Variants in USP32 observed in about 807,000 individuals in gnomAD.
The protein encoded by USP32 is ubiquitin carboxyl-terminal hydrolase 32.
A neutral mutation model predicts 204.8 loss-of-function variants in USP32; 59 were observed. The observed-to-expected ratio is 0.29, with a 90% CI of 0.23 to 0.36. The LOEUF (loss-of-function observed/expected upper bound fraction) is 0.36. Ranked by LOEUF, USP32 falls within the 10% of genes least tolerant of loss-of-function variation. The pLI, the probability that USP32 is intolerant of heterozygous loss-of-function variation, is 1.00. For missense variants in USP32, 1,160 were observed against 1,946.4 expected, an observed-to-expected ratio of 0.60 and a Z score of 7.60; for synonymous variants, 517 against 678.4, an observed-to-expected ratio of 0.76 and a Z score of 3.70.
At chr17:60,269,100 T>C (rs1314239951) in intron 7 of USP32, among the ~76,000 whole-genome samples, 2 of 152,224 alleles carry the variant, frequency 1.3e-5, no homozygotes, top group African/African-American at 4.8e-5. Context: ...AAATGAGTTA[T>C]GCCTCAACTT....
At chr17:60,268,031 G>A (rs1426962681) in intron 7 of USP32, among the ~76,000 whole-genome samples, 1 of 151,656 alleles carries the variant, frequency 6.6e-6, no homozygotes, top group Non-Finnish European at 1.5e-5. Flanking sequence ...GGCTGATCTT[G>A]AACTCCTGAC....
chr17:60,193,435 C>T (rs2084435951), intron 27 of USP32, among the ~76,000 whole-genome samples: 1 of 152,190 alleles, frequency 6.6e-6, no homozygotes, highest in African/African-American at 2.4e-5. Flanking sequence ...TTTGGAGTAA[C>T]TGCTTTTAAC....
chr17:60,179,813 G>A (rs1470118770), intron 33 of USP32, among the ~76,000 whole-genome samples: 7 of 152,028 alleles, frequency 4.6e-5, no homozygotes, highest in Non-Finnish European at 7.4e-5. Context: ...TGGGACTACA[G>A]GTGCGTGCCA....
In USP32 at chr17:60,209,421, A is replaced by T; in HGVS notation, c.2547T>A (p.Tyr849Ter). The part of the protein sequence containing the change: ...EDLNRVHEKP[Y>*]VELKDSDGRP... ...GCCCATCACTGTCCTTCAGTTCCACATATGGCTTTTCATGGACTCGATTAA... is the reference window on the plus strand; with the variant it reads ...GCCCATCACTGTCCTTCAGTTCCACTTATGGCTTTTCATGGACTCGATTAA... The change falls in exon 22 of 34, where the codon TAT becomes TAA. Residue 849 changes from tyrosine (Y) to a stop codon, truncating the protein, a stop_gained. Transcript: ENST00000300896. LOFTEE classifies it high-confidence loss of function. 1 of 1,573,800 alleles carries T rather than the reference A, an allele frequency of 6.4e-7. No individual in the cohort carries two copies. Among genetic ancestry groups the T allele is most frequent in the Non-Finnish European group, 8.6e-7 (1 of 1,164,020 alleles).
chr17:60,367,231 G>A lies in USP32; in HGVS notation c.59-21623C>T, dbSNP rs141832425. Among the ~76,000 whole-genome samples, 311 of 152,268 alleles carry A rather than the reference G, an allele frequency of 2.0e-3. 2 individuals carry two copies. Among genetic ancestry groups the A allele is most frequent in the African/African-American group, 6.4e-3 (266 of 41,546 alleles). ...CGAGGATACAAAATATTCAGAGGTCGGGAGTGGTTGCTCAAGCTGGTAACC... is the reference window on the plus strand; with the variant it reads ...CGAGGATACAAAATATTCAGAGGTCAGGAGTGGTTGCTCAAGCTGGTAACC... On this transcript the variant is annotated intron_variant, in intron 1 of 33. Transcript: ENST00000300896.
chr17:60,368,991 A>ATTTTTTTTTTTTTTTTT lies in USP32; in HGVS notation c.58+22874_58+22890dup, dbSNP rs758528054. On this transcript the variant is annotated intron_variant, in intron 1 of 33. Coordinates refer to ENST00000300896, the MANE Select transcript of USP32 (RefSeq NM_032582.4). The stretch of plus-strand genomic sequence containing the variant: ...ACATACACGAATTATTTTTTAAAAG[A>ATTTTTTTTTTTTTTTTT]TTTTTTTTTTTTTTTTTTTTTGAGA... Among the ~76,000 whole-genome samples, 527 of 114,052 alleles carry ATTTTTTTTTTTTTTTTT rather than the reference A, an allele frequency of 4.6e-3. 8 individuals carry two copies. Among genetic ancestry groups the ATTTTTTTTTTTTTTTTT allele is most frequent in the Non-Finnish European group, 7.1e-3 (432 of 60,936 alleles). The allele number at this position is 114,052 out of a possible 152,430, so 74.8% of individuals were successfully genotyped here.
intron 6 of USP32, 119 bp from the exon 7 acceptor site, chr17:60,269,676 T>C (rs1388600876): frequency 1.5e-6 from 1 of 688,834 alleles, no homozygotes; most frequent in Non-Finnish European, 2.3e-6. Flanking sequence ...TTTTTAAGTT[T>C]ATTAGTAGTT....
At chr17:60,282,284 A>C (rs2086986879) in intron 5 of USP32, among the ~76,000 whole-genome samples, 2 of 152,272 alleles carry the variant, frequency 1.3e-5, no homozygotes, top group South Asian at 4.1e-4. Context: ...GGAAGACCTT[A>C]GAACTTTGCA....
intron 2 of USP32, among the ~76,000 whole-genome samples, chr17:60,324,954 G>T (rs1047437712): frequency 1.3e-5 from 2 of 152,140 alleles, no homozygotes; most frequent in African/African-American, 4.8e-5. Context: ...GGTGAGCCGA[G>T]ATCATGCCAT....
chr17:60,350,274 C>CA (rs2088919185), intron 1 of USP32, among the ~76,000 whole-genome samples: 1 of 152,110 alleles, frequency 6.6e-6, no homozygotes, highest in South Asian at 2.1e-4. Flanking sequence ...CTTGGCCTCT[C>CA]AAAGTACTGG....
At chr17:60,389,194 A>G (rs996457335) in intron 1 of USP32, among the ~76,000 whole-genome samples, 2 of 152,146 alleles carry the variant, frequency 1.3e-5, no homozygotes, top group Non-Finnish European at 2.9e-5. Flanking sequence ...GGTTTTACCA[A>G]CTGTTTATAT....
Position 60,392,057 on chromosome 17 carries a change from C to A in USP32, c.-118G>T. 8.3e-7 allele frequency: 1 copy of A among 1,197,786 alleles called. No individual in the cohort carries two copies. Among genetic ancestry groups the A allele is most frequent in the Non-Finnish European group, 1.2e-6 (1 of 861,074 alleles). 74.2% of individuals were successfully genotyped at this position (1,197,786 alleles called of 1,614,324 possible). ...GTGTCGGCGTCCCCCGCCCCCACCT[C>A]CCCCCACACTAACAAGTGCGGCTTC... On this transcript the variant is annotated 5_prime_UTR_variant, in exon 1 of 34. Transcript: ENST00000300896.
At chr17:60,389,421 T>C (rs1037532205) in intron 1 of USP32, among the ~76,000 whole-genome samples, 4 of 151,958 alleles carry the variant, frequency 2.6e-5, no homozygotes, top group African/African-American at 4.8e-5. Flanking sequence ...CATGCGCCTG[T>C]AGTCCCAGCT....
chr17:60,179,358 T>C lies in USP32; in HGVS notation c.4712A>G (p.Tyr1571Cys). 7.4e-6 allele frequency: 12 copies of C among 1,613,648 alleles called. No individual in the cohort carries two copies. The highest frequency in any genetic ancestry group is 9.3e-6 in the Non-Finnish European group (11 of 1,179,856). Residue 1571 changes from tyrosine (Y) to cysteine (C), a missense_variant, in exon 34 of 34, where the codon TAT (tyrosine) becomes TGT (cysteine). Transcript: ENST00000300896. ...ATCAGTCTTTGGCAGAAATTGTGCA[T>C]AGTCTATCCCCTGCTGCTCATAGAA... is the stretch of plus-strand genomic sequence containing the variant. ...ILFYEQQGID[Y>C]AQFLPKTDGK...
chr17:60,388,467 G>C (rs555292697), intron 1 of USP32, among the ~76,000 whole-genome samples: 3 of 152,054 alleles, frequency 2.0e-5, no homozygotes, highest in Non-Finnish European at 4.4e-5. Flanking sequence ...TTCACCGAAC[G>C]GTTTTTGAAT....
intron 9 of USP32, among the ~76,000 whole-genome samples, chr17:60,264,040 T>A (rs1325377698): frequency 6.6e-6 from 1 of 152,198 alleles, no homozygotes; most frequent in East Asian, 1.9e-4. Flanking sequence ...CAGGGACACA[T>A]AGACATCATA....
chr17:60,326,676 C>T (rs59004910), intron 2 of USP32, among the ~76,000 whole-genome samples: 6,752 of 152,230 alleles, frequency 0.044, 537 homozygotes, highest in African/African-American at 0.15. Flanking sequence ...CAGTATGAGA[C>T]ACTCTGTAAG....
At chr17:60,206,013 G>T (rs1356978023) in intron 25 of USP32, among the ~76,000 whole-genome samples, 2 of 152,246 alleles carry the variant, frequency 1.3e-5, no homozygotes, top group Admixed American at 1.3e-4. Flanking sequence ...CCTCTACCCA[G>T]ATGTTGCATT....
intron 1 of USP32, among the ~76,000 whole-genome samples, chr17:60,351,717 C>T (rs2146027535): frequency 1.3e-5 from 2 of 152,074 alleles, no homozygotes; most frequent in South Asian, 4.1e-4. Flanking sequence ...CGTGAGCCAC[C>T]AAGCCCAGCT....
Sources: gnomAD v4.1 joint callset for allele counts (sites outside exome capture counted in the v4.1 genomes callset) on GRCh38, gnomAD v4.1.1 for gene constraint, MANE v1.5 for transcripts, NCBI Gene and HGNC (gene_info 2026-07-23, HGNC 2026-07-21) for gene names.